Variants in NMNAT2 observed in about 807,000 individuals in gnomAD.
NMNAT2 encodes the protein nicotinamide nucleotide adenylyltransferase 2.
In NMNAT2, 11 loss-of-function variants were observed where a neutral mutation model predicts 41.6. The ratio of observed to expected loss-of-function variants is 0.26; its 90% CI spans 0.17 to 0.44. The LOEUF (loss-of-function observed/expected upper bound fraction) is 0.44. Among genes scored for constraint, NMNAT2 ranks in the 20% least tolerant of loss-of-function variants. The pLI is 1.00. For synonymous variants in NMNAT2, 148 were observed against 151.2 expected, an observed-to-expected ratio of 0.98 and a Z score of 0.16; for missense variants, 288 against 407.7, an observed-to-expected ratio of 0.71 and a Z score of 2.53.
intron 8 of NMNAT2, among the ~76,000 whole-genome samples, chr1:183,263,079 AT>A (rs1418636128): frequency 6.6e-6 from 1 of 152,186 alleles, no homozygotes; most frequent in African/African-American, 2.4e-5. Flanking sequence ...CATTCTGAAT[AT>A]TTCTGTCCAC....
intron 2 of NMNAT2, among the ~76,000 whole-genome samples, chr1:183,293,402 T>C (rs1571579216): frequency 6.6e-6 from 1 of 152,260 alleles, no homozygotes; most frequent in Non-Finnish European, 1.5e-5. Flanking sequence ...CAATCTGGCA[T>C]CCACCATACC....
Position 183,270,358 on chromosome 1 carries a change from G to T in NMNAT2, c.651+8195C>A, listed in dbSNP as rs545964903. Among the ~76,000 whole-genome samples the T allele has an allele frequency of 5.3e-5, 8 of 152,186 alleles. 1 individual carries two copies. Among genetic ancestry groups the T allele is most frequent in the Admixed American group, 5.2e-4 (8 of 15,262 alleles). ...AAAAAGATGCAAAGAGAGAACTTGTGACAAAAGCCATGCAGTATATGAGCA... is the reference window on the plus strand; with the variant it reads ...AAAAAGATGCAAAGAGAGAACTTGTTACAAAAGCCATGCAGTATATGAGCA... On this transcript the variant is annotated intron_variant, in intron 8 of 10. Coordinates refer to ENST00000287713, the MANE Select transcript of NMNAT2 (RefSeq NM_015039.4).
intron 1 of NMNAT2, among the ~76,000 whole-genome samples, chr1:183,323,837 T>A (rs568373261): frequency 5.9e-5 from 9 of 152,286 alleles, no homozygotes; most frequent in South Asian, 2.1e-4. Flanking sequence ...ATCTTAGGAT[T>A]TGGCCTCTCT....
At chr1:183,269,840 C>G (rs1021161699) in intron 8 of NMNAT2, among the ~76,000 whole-genome samples, 2 of 152,180 alleles carry the variant, frequency 1.3e-5, no homozygotes, top group African/African-American at 4.8e-5. Context: ...CCACATCACA[C>G]CTCTTCTAGA....
At chr1:183,318,544 C>T (rs10911306) in intron 1 of NMNAT2, among the ~76,000 whole-genome samples, 60,831 of 151,984 alleles carry the variant, frequency 0.4, 13,490 homozygotes, top group East Asian at 0.69. Context: ...CCAAACAGGA[C>T]GATGGGGGAG....
chr1:183,278,693 A>G, intron 7 of NMNAT2, 64 bp from the exon 8 acceptor site: 1 of 1,160,086 alleles, frequency 8.6e-7, no homozygotes, highest in Non-Finnish European at 1.3e-6. Flanking sequence ...TTTGACCCTC[A>G]GCCTTCTTCC....
chr1:183,318,360 G>A (rs1349340313), intron 1 of NMNAT2, among the ~76,000 whole-genome samples: 2 of 152,234 alleles, frequency 1.3e-5, no homozygotes, highest in African/African-American at 4.8e-5. Flanking sequence ...ATGGGGCTCT[G>A]TCTTTGGGAT....
chr1:183,402,807 A>G (rs1363955545), intron 1 of NMNAT2, among the ~76,000 whole-genome samples: 1 of 152,166 alleles, frequency 6.6e-6, no homozygotes, highest in Non-Finnish European at 1.5e-5. Flanking sequence ...GGATAATTCA[A>G]AAAGGGAGGG....
intron 1 of NMNAT2, among the ~76,000 whole-genome samples, chr1:183,351,576 A>AAC (rs1458567028): frequency 1.3e-5 from 2 of 152,228 alleles, no homozygotes; most frequent in Admixed American, 1.3e-4. Flanking sequence ...TCAGGTACTG[A>AAC]ACACACAGTT....
At chr1:183,380,832 C>T (rs1359404961) in intron 1 of NMNAT2, among the ~76,000 whole-genome samples, 1 of 152,182 alleles carries the variant, frequency 6.6e-6, no homozygotes, top group East Asian at 1.9e-4. Flanking sequence ...AAATGAGCTG[C>T]TTGTCACCTT....
At position 183,309,041 on chromosome 1, in the gene NMNAT2, C is replaced by T. The variant is rs555576741; in HGVS notation, c.86-15248G>A. 4.1e-4 allele frequency among the ~76,000 whole-genome samples: 62 copies of T among 152,218 alleles called. 1 individual carries two copies. The highest frequency in any genetic ancestry group is 1.4e-3 in the African/African-American group (60 of 41,542). ...TGGAGGGTGTTTGTTTATTTTGAGA[C>T]AGGGTCTCACTCTGTGCCCTGGCTG... On this transcript the variant is annotated intron_variant, in intron 1 of 10. Coordinates refer to ENST00000287713, the MANE Select transcript of NMNAT2 (RefSeq NM_015039.4).
At chr1:183,268,598 G>A (rs891023164) in intron 8 of NMNAT2, among the ~76,000 whole-genome samples, 1 of 152,174 alleles carries the variant, frequency 6.6e-6, no homozygotes, top group African/African-American at 2.4e-5. Context: ...TTGTTCTCAA[G>A]CACCCTTTCA....
intron 1 of NMNAT2, among the ~76,000 whole-genome samples, chr1:183,301,455 G>A (rs1313097603): frequency 6.6e-6 from 1 of 152,254 alleles, no homozygotes; most frequent in African/African-American, 2.4e-5. Context: ...TTTCATGCCA[G>A]GCTTCCCAAA....
chr1:183,358,483 C>T (rs1663243406), intron 1 of NMNAT2, among the ~76,000 whole-genome samples: 1 of 152,086 alleles, frequency 6.6e-6, no homozygotes, highest in South Asian at 2.1e-4. Context: ...ACATGATTTT[C>T]TGAGCTGAGC....
intron 1 of NMNAT2, among the ~76,000 whole-genome samples, chr1:183,349,768 T>C (rs1293753223): frequency 6.6e-6 from 1 of 152,180 alleles, no homozygotes; most frequent in Non-Finnish European, 1.5e-5. Context: ...TCTGAACCAA[T>C]GCTGGGGAAG....
chr1:183,284,569 C>G, intron 6 of NMNAT2, 141 bp downstream of exon 6: 1 of 737,798 alleles, frequency 1.4e-6, no homozygotes, highest in Non-Finnish European at 2.5e-6. Flanking sequence ...TGGGGGGATA[C>G]GTTGTGCACA....
intron 10 of NMNAT2, among the ~76,000 whole-genome samples, chr1:183,256,372 G>C (rs776311934): frequency 6.6e-6 from 1 of 152,106 alleles, no homozygotes; most frequent in Non-Finnish European, 1.5e-5. Context: ...TTGTGCCACT[G>C]CACTCCAGCC....
intron 4 of NMNAT2, 145 bp from the exon 5 acceptor site, chr1:183,286,933 G>T: frequency 1.4e-6 from 1 of 694,816 alleles, no homozygotes; most frequent in Non-Finnish European, 2.3e-6. Flanking sequence ...AGACCCAGCT[G>T]CATCATGTGG....
intron 1 of NMNAT2, among the ~76,000 whole-genome samples, chr1:183,298,627 T>C (rs933158512): frequency 2.0e-5 from 3 of 152,232 alleles, no homozygotes; most frequent in Non-Finnish European, 4.4e-5. Context: ...CCATATGCAC[T>C]GTATCTATGT....
Sources: allele counts gnomAD v4.1 joint callset (sites outside exome capture counted in the v4.1 genomes callset), GRCh38; gene constraint gnomAD v4.1.1; transcripts MANE v1.5; gene names NCBI Gene and HGNC (gene_info 2026-07-23, HGNC 2026-07-21).